The following EIF4G3 variants were observed in gnomAD, a reference collection of about 807,000 sequenced individuals.
The protein encoded by EIF4G3 is eIF-4-gamma 3.
In EIF4G3, 34 loss-of-function variants were observed where a neutral mutation model predicts 186.4. That is an observed-to-expected ratio of 0.18 (90% CI 0.14 to 0.24). The LOEUF (loss-of-function observed/expected upper bound fraction) is 0.24, where lower values mean the gene tolerates loss of function less well. Among genes scored for constraint, EIF4G3 ranks in the 10% least tolerant of loss-of-function variants. The probability of loss-of-function intolerance (pLI) is 1.00; values close to 1 mark genes in which losing one functional copy is unlikely to be tolerated. For missense variants in EIF4G3, 1,536 were observed against 1,948.5 expected, an observed-to-expected ratio of 0.79 and a Z score of 3.99; for synonymous variants, 673 against 679.5, an observed-to-expected ratio of 0.99 and a Z score of 0.15.
At chr1:20,898,375 T>G (rs571017905) in intron 16 of EIF4G3, among the ~76,000 whole-genome samples, 33 of 152,204 alleles carry the variant, frequency 2.2e-4, no homozygotes, top group African/African-American at 7.7e-4. Flanking sequence ...TAAAATAAAG[T>G]GGTAAGTACT....
In EIF4G3 at chr1:21,013,678, T is replaced by C. The variant is rs559596974; in HGVS notation, c.-66-10870A>G. On this transcript the variant is annotated intron_variant, in intron 4 of 36. Transcript: ENST00000602326. ...CATGCCACTCTTAGATCAAGGCAGC[T>C]AAAAGCACTGATACATCCCAGGAAT... Among the ~76,000 whole-genome samples, 4 of 152,250 alleles carry C rather than the reference T, an allele frequency of 2.6e-5. No homozygotes were observed. In the East Asian group the frequency reaches 7.7e-4, roughly 29 times the overall value.
chr1:20,918,091 C>T (rs973755856), intron 14 of EIF4G3, among the ~76,000 whole-genome samples: 16 of 152,048 alleles, frequency 1.1e-4, no homozygotes, highest in African/African-American at 3.9e-4. Flanking sequence ...GGTAATATTC[C>T]TCTCTCCCAA....
At chr1:20,867,923 A>G (rs1175874465) in intron 20 of EIF4G3, among the ~76,000 whole-genome samples, 2 of 152,182 alleles carry the variant, frequency 1.3e-5, no homozygotes, top group African/African-American at 4.8e-5. Flanking sequence ...CTACAGATTT[A>G]CAAAAATGTA....
rs752431109 is a variant in EIF4G3, at chr1:21,089,232, GA to G, written c.-271-20del. 7 of 713,164 alleles carry G rather than the reference GA, an allele frequency of 9.8e-6. 1 individual carries two copies. In the South Asian group the frequency reaches 1.1e-4, roughly 11 times the overall value. 44.2% of individuals were successfully genotyped at this position (713,164 alleles called of 1,614,324 possible). A position where few individuals can be genotyped will look rare whatever the true frequency, so the allele number is the denominator to read the frequency against. On this transcript the variant is annotated intron_variant, in intron 2 of 36. Transcript: ENST00000602326. ...AGGAATTCTAGAAGAGCGAGTTAAG[GA>G]TAAGAGAATTCAAAAATGGATGCTT...
intron 4 of EIF4G3, among the ~76,000 whole-genome samples, chr1:21,034,793 G>A (rs1337070994): frequency 6.6e-6 from 1 of 152,174 alleles, no homozygotes; most frequent in Non-Finnish European, 1.5e-5. Flanking sequence ...GGCTCAGATT[G>A]GCACCACCGG....
intron 2 of EIF4G3, among the ~76,000 whole-genome samples, chr1:21,102,157 G>A (rs1386049619): frequency 6.6e-6 from 1 of 152,076 alleles, no homozygotes; most frequent in Non-Finnish European, 1.5e-5. Context: ...TTTTAAAAAT[G>A]GAGGTATTTC....
At chr1:21,066,897 T>C (rs1431951083) in intron 3 of EIF4G3, among the ~76,000 whole-genome samples, 2 of 152,188 alleles carry the variant, frequency 1.3e-5, no homozygotes, top group Non-Finnish European at 2.9e-5. Context: ...AAACAGTACA[T>C]ATACTTTGTA....
At chr1:20,823,701 ACC>A (rs2062947823) in intron 33 of EIF4G3, among the ~76,000 whole-genome samples, 1 of 151,930 alleles carries the variant, frequency 6.6e-6, no homozygotes, top group South Asian at 2.1e-4. Context: ...AATCTCTTTA[ACC>A]ATTTTGACTA....
At chr1:20,912,164 C>G (rs2093325549) in intron 14 of EIF4G3, among the ~76,000 whole-genome samples, 1 of 152,142 alleles carries the variant, frequency 6.6e-6, no homozygotes, top group Admixed American at 6.5e-5. Context: ...GTGGTCCAAG[C>G]TACTCAGGAG....
rs765847812 is a variant in EIF4G3 at position 20,851,286 on chromosome 1, C to T, written c.3744G>A (p.Glu1248=). 1 of 1,614,180 alleles carries T rather than the reference C, an allele frequency of 6.2e-7. No homozygotes were observed. Among genetic ancestry groups the T allele is most frequent in the East Asian group, 2.2e-5 (1 of 44,882 alleles). ...GGVDVERNST[E]AERNKTRESA... ...ACTCCCTTGTTTTATTTCGCTCAGC[C>T]TCAGTGCTGTTCCTCTCCACATCCA... Residue 1248 remains glutamate (E), a synonymous_variant, in exon 28 of 37, where the codon GAG becomes GAA. Coordinates refer to ENST00000602326, the MANE Select transcript of EIF4G3 (RefSeq NM_001391906.1).
intron 7 of EIF4G3, among the ~76,000 whole-genome samples, chr1:20,997,221 C>T (rs1325234629): frequency 6.6e-6 from 1 of 151,986 alleles, no homozygotes; most frequent in Non-Finnish European, 1.5e-5. Flanking sequence ...CAGGTTATAT[C>T]GGAATGTTAA....
chr1:21,170,776 G>A (rs1401561841), intron 2 of EIF4G3, among the ~76,000 whole-genome samples: 1 of 152,104 alleles, frequency 6.6e-6, no homozygotes, highest in African/African-American at 2.4e-5. Flanking sequence ...ATCATTTGAA[G>A]TCAGGAGTTC....
intron 4 of EIF4G3, among the ~76,000 whole-genome samples, chr1:21,037,579 G>A (rs1049359134): frequency 1.3e-5 from 2 of 152,080 alleles, no homozygotes; most frequent in African/African-American, 2.4e-5. Flanking sequence ...AATCAATACC[G>A]TAAAAACCTT....
chr1:20,969,222 TAAG>T (rs1272246545), intron 12 of EIF4G3, among the ~76,000 whole-genome samples: 2 of 152,228 alleles, frequency 1.3e-5, no homozygotes, highest in Admixed American at 6.5e-5. Context: ...GATAGTTCAT[TAAG>T]AAGAGTGGCA....
intron 3 of EIF4G3, among the ~76,000 whole-genome samples, chr1:21,079,695 A>G (rs533538218): frequency 6.6e-6 from 1 of 151,780 alleles, no homozygotes; most frequent in South Asian, 2.1e-4. Flanking sequence ...AAAGAAAAAA[A>G]AAAAAAAACT....
intron 4 of EIF4G3, among the ~76,000 whole-genome samples, chr1:21,014,664 C>T (rs1164763978): frequency 6.9e-6 from 1 of 145,786 alleles, no homozygotes; most frequent in Non-Finnish European, 1.5e-5. Context: ...GTATGGAGTC[C>T]TATGCTGTCA....
chr1:20,989,557 CAAAAAAAA>C (rs71014142), intron 7 of EIF4G3, among the ~76,000 whole-genome samples: 4 of 34,698 alleles, frequency 1.2e-4, no homozygotes, highest in Admixed American at 5.0e-4. Context: ...AACTCCAACT[CAAAAAAAA>C]AAAAAAAAAA....
In EIF4G3 at chr1:20,819,475, T is replaced by TTATC. The variant is rs1452378334; in HGVS notation, c.4369-1938_4369-1937insGATA. On this transcript the variant is annotated intron_variant, in intron 33 of 36. Coordinates refer to ENST00000602326, the MANE Select transcript of EIF4G3 (RefSeq NM_001391906.1). The stretch of plus-strand genomic sequence containing the variant: ...TTTATTTATTTATTTATTTATTTAT[T>TTATC]TAGACAGGGTCTTGCTCTTTTGCCC... 1.5e-4 allele frequency among the ~76,000 whole-genome samples: 22 copies of TTATC among 143,280 alleles called. 2 individuals carry two copies. Among genetic ancestry groups the TTATC allele is most frequent in the African/African-American group, 4.9e-4 (19 of 38,822 alleles). 94.0% of individuals were successfully genotyped at this position (143,280 alleles called of 152,430 possible). A position where few individuals can be genotyped will look rare whatever the true frequency, so the allele number is the denominator to read the frequency against.
At chr1:21,022,601 GT>G (rs1265959472) in intron 4 of EIF4G3, among the ~76,000 whole-genome samples, 1 of 152,130 alleles carries the variant, frequency 6.6e-6, no homozygotes, top group Non-Finnish European at 1.5e-5. Flanking sequence ...ACACCAACCA[GT>G]TTGTGTTAAA....
Sources: gnomAD v4.1 joint callset for allele counts (sites outside exome capture counted in the v4.1 genomes callset) on GRCh38, gnomAD v4.1.1 for gene constraint, MANE v1.5 for transcripts, NCBI Gene and HGNC (gene_info 2026-07-23, HGNC 2026-07-21) for gene names.